DLGAP1: variants seen among roughly 807,000 people sequenced by gnomAD.
The protein encoded by DLGAP1 is DLG associated protein 1.
In DLGAP1, 11 loss-of-function variants were observed where a neutral mutation model predicts 90.8. The observed-to-expected ratio is 0.12, with a 90% confidence interval of 0.08 to 0.20. The LOEUF (loss-of-function observed/expected upper bound fraction) is 0.20. Among genes scored for constraint, DLGAP1 ranks in the 10% least tolerant of loss-of-function variants. DLGAP1 has a pLI of 1.00. For missense variants in DLGAP1, 1,050 were observed against 1,333.8 expected, an observed-to-expected ratio of 0.79 and a Z score of 3.31; for synonymous variants, 558 against 540.7, an observed-to-expected ratio of 1.03 and a Z score of -0.44.
In DLGAP1 at chr18:4,066,491, A is replaced by G. The variant is rs1341893646; in HGVS notation, c.-158-61290T>C. 2.0e-5 allele frequency among the ~76,000 whole-genome samples: 3 copies of G among 152,244 alleles called. No individual in the cohort carries two copies. The East Asian group carries it at 5.8e-4, about 29-fold the overall frequency. The stretch of plus-strand genomic sequence containing the variant: ...TAAACAAATTTACAAGAAAAAAACA[A>G]CCCCATTAAAAAGTGGGCAAAAGAC... On this transcript the variant is annotated intron_variant, in intron 2 of 12. Transcript: ENST00000315677.
At position 3,858,808 on chromosome 18, in the gene DLGAP1, T is replaced by C. The variant is rs954222233; in HGVS notation, c.957+20304A>G. Among the ~76,000 whole-genome samples, 4 of 152,118 alleles carry C rather than the reference T, an allele frequency of 2.6e-5. No individual in the cohort carries two copies. The East Asian group carries it at 7.7e-4, about 29-fold the overall frequency. ...TAAATGAGCTTTCACATGATAAACA[T>C]TAGAGGGCATACCATCTCACAAGAA... On this transcript the variant is annotated intron_variant, in intron 4 of 12. Coordinates refer to ENST00000315677, the MANE Select transcript of DLGAP1 (RefSeq NM_004746.4).
Position 3,499,456 on chromosome 18 carries a change from G to C in DLGAP1, c.2725-62C>G, listed in dbSNP as rs2049813330. ...TCTCAGGACAAGCTTGGGAAAAACT[G>C]GGATAGGTCAGTAGTTAGAACACAC... On this transcript the variant is annotated intron_variant, in intron 12 of 12. Coordinates refer to ENST00000315677, the MANE Select transcript of DLGAP1 (RefSeq NM_004746.4). The surrounding 1 kb of genome is among the most constrained non-coding windows in gnomAD (Gnocchi z 6.4). 6.6e-7 allele frequency: 1 copy of C among 1,522,946 alleles called. No homozygotes were observed. The highest frequency in any genetic ancestry group is 1.2e-5 in the South Asian group (1 of 82,664). The allele number at this position is 1,522,946 out of a possible 1,614,324, so 94.3% of individuals were successfully genotyped here. A position where few individuals can be genotyped will look rare whatever the true frequency, so the allele number is the denominator to read the frequency against.
At chr18:4,311,270 C>G (rs1339971237) in intron 1 of DLGAP1, among the ~76,000 whole-genome samples, 2 of 152,134 alleles carry the variant, frequency 1.3e-5, no homozygotes, top group Non-Finnish European at 2.9e-5. Context: ...TTGACAAAGG[C>G]AAAATCTTTT....
intron 8 of DLGAP1, among the ~76,000 whole-genome samples, chr18:3,573,555 A>G (rs1203772133): frequency 1.3e-5 from 2 of 152,178 alleles, no homozygotes; most frequent in African/African-American, 4.8e-5. Context: ...TTTAAATAAC[A>G]TAGGAATTAT....
At chr18:4,042,320 G>A (rs940871197) in intron 2 of DLGAP1, among the ~76,000 whole-genome samples, 1 of 152,122 alleles carries the variant, frequency 6.6e-6, no homozygotes. Flanking sequence ...TCAAATTTAT[G>A]GTTTAATAAA....
intron 1 of DLGAP1, among the ~76,000 whole-genome samples, chr18:4,296,943 A>G (rs2143166291): frequency 6.6e-6 from 1 of 152,290 alleles, no homozygotes; most frequent in Middle Eastern, 3.4e-3. Context: ...GCACTTCCCC[A>G]GAAGTGATGC....
At chr18:4,005,846 T>C (rs1346560210) in intron 2 of DLGAP1, among the ~76,000 whole-genome samples, 1 of 152,182 alleles carries the variant, frequency 6.6e-6, no homozygotes, top group African/African-American at 2.4e-5. Context: ...CTGCATCAAA[T>C]GTATTGGTAA....
chr18:3,596,167 T>TA (rs1345725483), intron 7 of DLGAP1, among the ~76,000 whole-genome samples: 1 of 142,072 alleles, frequency 7.0e-6, no homozygotes, highest in East Asian at 2.0e-4. Context: ...TTTTCTTTTC[T>TA]TTTTTTTTTT....
chr18:4,415,320 T>C (rs1217509662), intron 1 of DLGAP1, among the ~76,000 whole-genome samples: 2 of 152,176 alleles, frequency 1.3e-5, no homozygotes, highest in African/African-American at 4.8e-5. Context: ...ATCTGAGTCA[T>C]TGAATTGATT....
At chr18:4,114,510 T>A (rs1025594365) in intron 2 of DLGAP1, among the ~76,000 whole-genome samples, 22 of 152,154 alleles carry the variant, frequency 1.4e-4, no homozygotes, top group African/African-American at 5.1e-4. Flanking sequence ...AGGTTTTTGA[T>A]GAAGTCTTTA....
chr18:4,382,192 G>A (rs1303755240), intron 1 of DLGAP1, among the ~76,000 whole-genome samples: 1 of 152,094 alleles, frequency 6.6e-6, no homozygotes, highest in Non-Finnish European at 1.5e-5. Flanking sequence ...ACCCAGTACA[G>A]CGGAATGGCT....
At chr18:3,860,676 G>C (rs1323995591) in intron 4 of DLGAP1, among the ~76,000 whole-genome samples, 1 of 152,074 alleles carries the variant, frequency 6.6e-6, no homozygotes, top group Non-Finnish European at 1.5e-5. Context: ...CAGAATTTTG[G>C]CTCCCATGAT....
chr18:3,865,703 T>C (rs1462364570), intron 4 of DLGAP1, among the ~76,000 whole-genome samples: 1 of 152,210 alleles, frequency 6.6e-6, no homozygotes, highest in Non-Finnish European at 1.5e-5. Flanking sequence ...ATCTCAGTTT[T>C]GTCACTTACT....
chr18:3,553,100 A>G (rs1380916272), intron 9 of DLGAP1, among the ~76,000 whole-genome samples: 1 of 152,192 alleles, frequency 6.6e-6, no homozygotes, highest in African/African-American at 2.4e-5. Context: ...ATCTTTAAAC[A>G]GAAATCATCT....
Position 4,368,886 on chromosome 18 carries a change from C to CA in DLGAP1, c.-267+86119dup, listed in dbSNP as rs537380708. Among the ~76,000 whole-genome samples, 507 of 152,236 alleles carry CA rather than the reference C, an allele frequency of 3.3e-3. 5 individuals are homozygous for CA. The highest frequency in any genetic ancestry group is 3.7e-3 in the Non-Finnish European group (255 of 68,018). ...GATGCTGGATGGATAGATGGACAGA[C>CA]AGACAGGAGAGTAGAGCAAGCAATA... On this transcript the variant is annotated intron_variant, in intron 1 of 12. Transcript: ENST00000315677.
chr18:4,173,533 A>G (rs2077057346), intron 1 of DLGAP1, among the ~76,000 whole-genome samples: 1 of 152,158 alleles, frequency 6.6e-6, no homozygotes, highest in African/African-American at 2.4e-5. Flanking sequence ...GGTTATTTTA[A>G]TCAACTCATT....
intron 5 of DLGAP1, among the ~76,000 whole-genome samples, chr18:3,761,132 G>A (rs896114240): frequency 2.6e-5 from 4 of 152,034 alleles, no homozygotes; most frequent in African/African-American, 4.8e-5. Context: ...GGTACAGTTC[G>A]GTGGCATTAA....
chr18:4,201,677 T>C (rs1438648702), intron 1 of DLGAP1, among the ~76,000 whole-genome samples: 1 of 151,950 alleles, frequency 6.6e-6, no homozygotes, highest in Non-Finnish European at 1.5e-5. Context: ...TGAACAGACA[T>C]TTCTCAAAAG....
At chr18:4,053,461 A>T (rs2075165890) in intron 2 of DLGAP1, among the ~76,000 whole-genome samples, 1 of 152,230 alleles carries the variant, frequency 6.6e-6, no homozygotes, top group African/African-American at 2.4e-5. Context: ...ATGACATGTG[A>T]AGATTATGGG....
Sources: allele counts gnomAD v4.1 joint callset (sites outside exome capture counted in the v4.1 genomes callset), GRCh38; gene constraint gnomAD v4.1.1; non-coding constraint Gnocchi (gnomAD v3.1); transcripts MANE v1.5; gene names NCBI Gene and HGNC (gene_info 2026-07-23, HGNC 2026-07-21).